RASSF3: variants seen among roughly 807,000 people sequenced by gnomAD.
RASSF3 encodes the protein ras association domain-containing protein 3.
A neutral mutation model predicts 19.9 loss-of-function variants in RASSF3; 19 were observed. The observed-to-expected ratio is 0.96, with a 90% confidence interval of 0.67 to 1.40. The LOEUF (loss-of-function observed/expected upper bound fraction) is 1.40. Ranked by LOEUF, RASSF3 falls within the 40% of genes most tolerant of loss-of-function variation. The probability of loss-of-function intolerance (pLI) is 0.00; values close to 1 mark genes in which losing one functional copy is unlikely to be tolerated. For missense variants in RASSF3, 306 were observed against 289.8 expected, an observed-to-expected ratio of 1.06 and a Z score of -0.41; for synonymous variants, 110 against 104.2, an observed-to-expected ratio of 1.06 and a Z score of -0.34.
intron 3 of RASSF3, among the ~76,000 whole-genome samples, chr12:64,689,653 C>T (rs926558936): frequency 6.6e-6 from 1 of 152,134 alleles, no homozygotes. Context: ...AATATTACCC[C>T]CATGGCTGGC....
intron 1 of RASSF3, among the ~76,000 whole-genome samples, chr12:64,675,771 T>G (rs895427901): frequency 1.3e-5 from 2 of 152,114 alleles, no homozygotes; most frequent in African/African-American, 2.4e-5. Flanking sequence ...TCTAACCTTT[T>G]CCTGCTGTTC....
upstream of RASSF3, among the ~76,000 whole-genome samples, chr12:64,531,389 C>A (rs548671023): frequency 3.3e-5 from 5 of 152,276 alleles, no homozygotes; most frequent in African/African-American, 1.2e-4. Flanking sequence ...TTTCTGAACT[C>A]TCTAGTCTAC....
In RASSF3 at chr12:64,602,683, C is replaced by T. The variant is rs185577803; in HGVS notation, c.294+60978C>T. ...ATACACCACGCTGAGCCCAGGAGTT[C>T]GAGGCCAGCCTGGGCAACATAGTGA... On this transcript the variant is annotated intron_variant, in intron 2 of 5. Coordinates refer to the RASSF3 transcript ENST00000637125. Among the ~76,000 whole-genome samples the T allele has an allele frequency of 3.2e-3, 493 of 151,708 alleles. 12 individuals are homozygous for T. The highest frequency in any genetic ancestry group is 0.027 in the Admixed American group (406 of 15,228).
upstream of RASSF3, chr12:64,533,204 G>T (rs1001062189): frequency 2.6e-5 from 4 of 152,242 alleles, no homozygotes; most frequent in Non-Finnish European, 5.9e-5. Context: ...AGGCCTGGCC[G>T]GCTCAGCCTG....
At chr12:64,604,263 C>A (rs1215470994) in intron 2 of RASSF3, among the ~76,000 whole-genome samples, 1 of 151,852 alleles carries the variant, frequency 6.6e-6, no homozygotes, top group Non-Finnish European at 1.5e-5. Flanking sequence ...GTAGCTGGGA[C>A]TACAGGCATA....
chr12:64,538,978 G>A (rs1868887474), intron 1 of RASSF3, among the ~76,000 whole-genome samples: 1 of 152,094 alleles, frequency 6.6e-6, no homozygotes, highest in African/African-American at 2.4e-5. Flanking sequence ...CCTGGGAGGT[G>A]GAGGTTGCAG....
At chr12:64,643,320 A>G (rs1259604623) in intron 1 of RASSF3, among the ~76,000 whole-genome samples, 1 of 152,174 alleles carries the variant, frequency 6.6e-6, no homozygotes, top group South Asian at 2.1e-4. Context: ...TTACTGTTAA[A>G]GTGTTAGATG....
chr12:64,622,481 T>G, intron 1 of RASSF3: 2 of 531,292 alleles, frequency 3.8e-6, no homozygotes, highest in South Asian at 2.8e-5. Flanking sequence ...TGTCTTTTGT[T>G]GAAAAATTGC....
At chr12:64,553,498 A>G (rs997322585) in intron 2 of RASSF3, among the ~76,000 whole-genome samples, 5 of 152,204 alleles carry the variant, frequency 3.3e-5, no homozygotes, top group African/African-American at 1.2e-4. Context: ...AAAGAGAAGT[A>G]TGCCATTTGG....
chr12:64,560,917 C>T (rs895496414), intron 2 of RASSF3, among the ~76,000 whole-genome samples: 1 of 152,164 alleles, frequency 6.6e-6, no homozygotes, highest in African/African-American at 2.4e-5. Context: ...AGCTGCTCAG[C>T]CTGGTTGATG....
intron 2 of RASSF3, among the ~76,000 whole-genome samples, chr12:64,574,964 GA>G (rs1869572762): frequency 6.6e-6 from 1 of 152,190 alleles, no homozygotes; most frequent in Non-Finnish European, 1.5e-5. Context: ...TCAACTTAAT[GA>G]TGAAATGCTA....
At chr12:64,646,771 A>T (rs540109460) in intron 1 of RASSF3, among the ~76,000 whole-genome samples, 50 of 150,808 alleles carry the variant, frequency 3.3e-4, no homozygotes, top group South Asian at 2.5e-3. Flanking sequence ...CTGTTGAAAT[A>T]GAGTGAAAGA....
chr12:64,602,369 A>G (rs947079579), intron 2 of RASSF3, among the ~76,000 whole-genome samples: 7 of 151,584 alleles, frequency 4.6e-5, no homozygotes, highest in Middle Eastern at 3.4e-3. Context: ...TCATGAGGTC[A>G]GGAGATCGAG....
chr12:64,633,245 G>A (rs1004231442), intron 1 of RASSF3, among the ~76,000 whole-genome samples: 3 of 152,238 alleles, frequency 2.0e-5, no homozygotes, highest in Non-Finnish European at 2.9e-5. Context: ...TTTGACACCA[G>A]TGGATACTGA....
At chr12:64,583,208 A>C (rs1360426283) in intron 2 of RASSF3, among the ~76,000 whole-genome samples, 1 of 152,192 alleles carries the variant, frequency 6.6e-6, no homozygotes, top group Non-Finnish European at 1.5e-5. Context: ...CCTCTGAGGC[A>C]GTTAATGCAG....
intron 1 of RASSF3, among the ~76,000 whole-genome samples, chr12:64,680,858 C>T (rs542524946): frequency 7.2e-5 from 11 of 152,188 alleles, no homozygotes; most frequent in East Asian, 3.9e-4. Context: ...GTGATCCGCC[C>T]GCCTCGGCCT....
At chr12:64,575,673 A>T (rs1869583502) in intron 2 of RASSF3, 2 of 152,094 alleles carry the variant, frequency 1.3e-5, no homozygotes, top group South Asian at 2.1e-4. Flanking sequence ...AAGCCAAATG[A>T]TGCTTATTTG....
intron 1 of RASSF3, among the ~76,000 whole-genome samples, chr12:64,634,701 C>T (rs564803995): frequency 7.2e-6 from 1 of 139,156 alleles, no homozygotes; most frequent in African/African-American, 2.7e-5. Context: ...GCAAAGTTTA[C>T]AGTGAGCCGA....
intron 2 of RASSF3, among the ~76,000 whole-genome samples, chr12:64,574,357 T>C (rs1285072140): frequency 6.6e-6 from 1 of 151,628 alleles, no homozygotes; most frequent in African/African-American, 2.4e-5. Context: ...TATCCACTGA[T>C]GATAAAAATC....
Sources: allele counts gnomAD v4.1 joint callset (sites outside exome capture counted in the v4.1 genomes callset), GRCh38; gene constraint gnomAD v4.1.1; transcripts MANE v1.5; gene names NCBI Gene and HGNC (gene_info 2026-07-23, HGNC 2026-07-21).